Variants in PTPRD observed in about 807,000 individuals in gnomAD.
The protein encoded by PTPRD is protein tyrosine phosphatase receptor type D, also known as receptor-type tyrosine-protein phosphatase delta.
In PTPRD, 34 loss-of-function variants were observed where a neutral mutation model predicts 214.5. That is an observed-to-expected ratio of 0.16 (90% CI 0.12 to 0.21). The LOEUF (loss-of-function observed/expected upper bound fraction) is 0.21, where lower values mean the gene tolerates loss of function less well. Ranked by LOEUF, PTPRD falls within the 10% of genes least tolerant of loss-of-function variation. The pLI, the probability that PTPRD is intolerant of heterozygous loss-of-function variation, is 1.00. For synonymous variants in PTPRD, 1,128 were observed against 845.7 expected (o/e 1.33, Z -5.79); for missense variants, 2,545 against 2,398.7 (o/e 1.06, Z -1.27).
chr9:9,671,823 C>A (rs1234053701), intron 7 of PTPRD, among the ~76,000 whole-genome samples: 1 of 152,168 alleles, frequency 6.6e-6, no homozygotes. Flanking sequence ...AATTAAAACT[C>A]TTTTTCTTCC....
At chr9:9,764,904 A>G (rs1435884144) in intron 6 of PTPRD, among the ~76,000 whole-genome samples, 1 of 152,090 alleles carries the variant, frequency 6.6e-6, no homozygotes, top group Non-Finnish European at 1.5e-5. Context: ...ATATCAGGAG[A>G]AAAGAGTGGT....
At chr9:10,236,354 T>C (rs2099628820) in intron 3 of PTPRD, among the ~76,000 whole-genome samples, 1 of 151,952 alleles carries the variant, frequency 6.6e-6, no homozygotes, top group Admixed American at 6.6e-5. Context: ...TAAGAATGTT[T>C]AGAAAAGGCT....
At chr9:10,202,546 T>A (rs1250216992) in intron 3 of PTPRD, among the ~76,000 whole-genome samples, 2 of 146,362 alleles carry the variant, frequency 1.4e-5, no homozygotes, top group Non-Finnish European at 3.0e-5. Context: ...TTTTTCAACA[T>A]GTGCATTTCT....
At chr9:10,443,939 A>T (rs934841541) in intron 2 of PTPRD, among the ~76,000 whole-genome samples, 1 of 151,432 alleles carries the variant, frequency 6.6e-6, no homozygotes, top group Non-Finnish European at 1.5e-5. Context: ...TGTCTCCTAT[A>T]AGTTGCTTTA....
chr9:9,438,064 C>T (rs1230222758), intron 8 of PTPRD, among the ~76,000 whole-genome samples: 1 of 152,162 alleles, frequency 6.6e-6, no homozygotes, highest in South Asian at 2.1e-4. Context: ...ATGGCTTTCC[C>T]TCTGTGTGCT....
At position 10,450,263 on chromosome 9, in the gene PTPRD, A is replaced by AAAAT. The variant is rs1248161638; in HGVS notation, c.-599-109247_-599-109246insATTT. Among the ~76,000 whole-genome samples the AAAAT allele has an allele frequency of 9.8e-3, 1,479 of 151,618 alleles. 35 individuals carry two copies. Among genetic ancestry groups the AAAAT allele is most frequent in the African/African-American group, 0.028 (1,164 of 41,152 alleles). On this transcript the variant is annotated intron_variant, in intron 2 of 45. Transcript: ENST00000381196. ...AAATACTAAAAAAAATAAATAAATAAACATAAATAAATAAAAATAAAAAAC... is the reference window on the plus strand; with the variant it reads ...AAATACTAAAAAAAATAAATAAATAAAAATACATAAATAAATAAAAATAAAAAAC...
intron 3 of PTPRD, among the ~76,000 whole-genome samples, chr9:10,127,734 C>A (rs2098830433): frequency 6.6e-6 from 1 of 152,120 alleles, no homozygotes; most frequent in South Asian, 2.1e-4. Flanking sequence ...TTGTGCCACC[C>A]CAATCTGGCC....
chr9:10,299,478 T>A (rs629243), intron 3 of PTPRD, among the ~76,000 whole-genome samples: 46,531 of 152,084 alleles, frequency 0.31, 8,456 homozygotes, highest in African/African-American at 0.5. Flanking sequence ...TAGATGTAAA[T>A]GGAGACCTTG....
chr9:8,330,850 T>G (rs1316368346), intron 44 of PTPRD, among the ~76,000 whole-genome samples: 6 of 149,984 alleles, frequency 4.0e-5, no homozygotes. Flanking sequence ...CTCTCAAGAG[T>G]TTCACCATAA....
At chr9:10,426,413 G>C (rs183849529) in intron 2 of PTPRD, among the ~76,000 whole-genome samples, 2 of 151,670 alleles carry the variant, frequency 1.3e-5, no homozygotes, top group African/African-American at 2.4e-5. Context: ...CGAAGGACTT[G>C]TATGTATAAT....
intron 8 of PTPRD, among the ~76,000 whole-genome samples, chr9:9,502,796 T>C (rs2096461088): frequency 6.6e-6 from 1 of 151,882 alleles, no homozygotes; most frequent in Non-Finnish European, 1.5e-5. Context: ...CCTAAAAACA[T>C]TATGTTGAAG....
chr9:8,996,572 A>T (rs997303612), intron 11 of PTPRD, among the ~76,000 whole-genome samples: 1 of 152,040 alleles, frequency 6.6e-6, no homozygotes, highest in African/African-American at 2.4e-5. Flanking sequence ...GTTTATAAAC[A>T]GAAATTTATT....
intron 8 of PTPRD, among the ~76,000 whole-genome samples, chr9:9,416,914 T>C (rs201167644): frequency 2.0e-5 from 3 of 152,106 alleles, no homozygotes; most frequent in South Asian, 2.1e-4. Context: ...TTTGTTTTTT[T>C]CCCTCAATAC....
intron 3 of PTPRD, among the ~76,000 whole-genome samples, chr9:10,057,862 C>CA (rs5896363): frequency 0.22 from 31,565 of 141,304 alleles, 3,845 homozygotes; most frequent in East Asian, 0.52. Flanking sequence ...AAAAAAAAAA[C>CA]AAAAAAAAAG....
intron 9 of PTPRD, among the ~76,000 whole-genome samples, chr9:9,194,616 C>G (rs753220022): frequency 3.1e-4 from 47 of 152,140 alleles, no homozygotes; most frequent in South Asian, 6.2e-4. Flanking sequence ...CTGTATTGCT[C>G]TATCAAGTAG....
rs75856992 is a variant in PTPRD, at chr9:8,386,759, G to C, written c.4386+2473C>G. 1.6e-4 allele frequency among the ~76,000 whole-genome samples: 24 copies of C among 152,290 alleles called. No individual in the cohort carries two copies. The East Asian group carries it at 2.9e-3, about 18-fold the overall frequency. On this transcript the variant is annotated intron_variant, in intron 37 of 45. Transcript: ENST00000381196. ...GTTTTTATAGTGAAAGCCAATTCCAGCTCTTGTTTGGGAATCCAGGAATGC... is the reference window on the plus strand; with the variant it reads ...GTTTTTATAGTGAAAGCCAATTCCACCTCTTGTTTGGGAATCCAGGAATGC...
chr9:10,427,562 T>A (rs551610559), intron 2 of PTPRD, among the ~76,000 whole-genome samples: 141 of 152,144 alleles, frequency 9.3e-4, no homozygotes, highest in Non-Finnish European at 1.6e-3. Flanking sequence ...CACTGATGGT[T>A]GATAATTGTC....
chr9:9,404,535 G>A (rs2072447031), intron 8 of PTPRD, among the ~76,000 whole-genome samples: 1 of 152,064 alleles, frequency 6.6e-6, no homozygotes, highest in Non-Finnish European at 1.5e-5. Flanking sequence ...ACTGAGATGA[G>A]CAACACTGGA....
chr9:8,527,910 T>C (rs2074632847), intron 15 of PTPRD, among the ~76,000 whole-genome samples: 1 of 152,152 alleles, frequency 6.6e-6, no homozygotes, highest in African/African-American at 2.4e-5. Context: ...CTGTGGCTAA[T>C]GTGTAGAAAA....
Sources: allele counts gnomAD v4.1 joint callset (sites outside exome capture counted in the v4.1 genomes callset), GRCh38; gene constraint gnomAD v4.1.1; transcripts MANE v1.5; gene names NCBI Gene and HGNC (gene_info 2026-07-23, HGNC 2026-07-21).